DNM3: variants seen among roughly 807,000 people sequenced by gnomAD.
DNM3 encodes dynamin 3.
Under a neutral mutation model 101.6 loss-of-function variants are expected in DNM3, and 47 were observed. That is an observed-to-expected ratio of 0.46 (90% confidence interval 0.37 to 0.59). The LOEUF (loss-of-function observed/expected upper bound fraction) is 0.59. DNM3 is among the 20% of genes least tolerant of loss of function. DNM3 has a pLI of 0.00. For missense variants in DNM3, 849 were observed against 1,085.7 expected (o/e 0.78, Z 3.06); for synonymous variants, 385 against 387.9 (o/e 0.99, Z 0.09).
intron 14 of DNM3, among the ~76,000 whole-genome samples, chr1:172,191,418 G>C (rs1338722021): frequency 1.3e-5 from 2 of 152,104 alleles, no homozygotes; most frequent in Non-Finnish European, 2.9e-5. Context: ...GGTTACTGTA[G>C]CCTTGTAGTA....
chr1:172,146,542 A>C (rs1451257574), intron 14 of DNM3, among the ~76,000 whole-genome samples: 1 of 152,140 alleles, frequency 6.6e-6, no homozygotes, highest in Non-Finnish European at 1.5e-5. Context: ...ACAAGCCCAT[A>C]AGACTCACCT....
At position 172,081,841 on chromosome 1, in the gene DNM3, T is replaced by G. The variant is rs772300947; in HGVS notation, c.1432T>G (p.Leu478Val). 3.7e-6 allele frequency: 6 copies of G among 1,612,578 alleles called. No homozygotes were observed. In the South Asian group the frequency reaches 6.6e-5, roughly 18 times the overall value. ...EGKTKDQVLL[L>V]IDIQVSYINT... is the part of the protein sequence containing the mutation. Reference sequence around the variant, plus strand: ...TCTCTTTGACTTATAGGTATTGCTATTGATTGACATTCAAGTCTCTTACAT... The same window carrying G: ...TCTCTTTGACTTATAGGTATTGCTAGTGATTGACATTCAAGTCTCTTACAT... Residue 478 changes from leucine (L) to valine (V), a missense_variant, in exon 12 of 21, where the codon TTG becomes GTG. Around this residue, in one of 5 missense-constraint regions of DNM3, gnomAD observed 193 missense variants for 238.4 expected, o/e 0.81. Transcript: ENST00000627582.
At chr1:172,153,669 G>C (rs495590) in intron 14 of DNM3, among the ~76,000 whole-genome samples, 100,952 of 151,844 alleles carry the variant, frequency 0.66, 35,269 homozygotes, top group African/African-American at 0.89. Flanking sequence ...TGGAATTGAG[G>C]TTATTGGTAA....
chr1:172,040,830 T>C (rs1433979153), intron 7 of DNM3, among the ~76,000 whole-genome samples: 1 of 151,454 alleles, frequency 6.6e-6, no homozygotes, highest in Non-Finnish European at 1.5e-5. Flanking sequence ...ACAGAGAGAA[T>C]GGTGTTCTGA....
At chr1:172,346,387 C>G (rs193271741) in intron 17 of DNM3, among the ~76,000 whole-genome samples, 1 of 152,252 alleles carries the variant, frequency 6.6e-6, no homozygotes, top group East Asian at 1.9e-4. Flanking sequence ...GGGAGGTAGA[C>G]AGAGAGCAAA....
At chr1:172,396,108 A>G (rs2069971381) in intron 20 of DNM3, among the ~76,000 whole-genome samples, 1 of 152,216 alleles carries the variant, frequency 6.6e-6, no homozygotes, top group African/African-American at 2.4e-5. Flanking sequence ...CAAAACCACA[A>G]ATAGCAAACA....
intron 17 of DNM3, among the ~76,000 whole-genome samples, chr1:172,353,117 G>A (rs1382160544): frequency 6.6e-6 from 1 of 152,118 alleles, no homozygotes; most frequent in Non-Finnish European, 1.5e-5. Flanking sequence ...GGCCACAGGT[G>A]CACCATCCTC....
chr1:172,292,365 C>T (rs1422676862), intron 15 of DNM3, among the ~76,000 whole-genome samples: 1 of 152,180 alleles, frequency 6.6e-6, no homozygotes, highest in Non-Finnish European at 1.5e-5. Flanking sequence ...CTGAATTTTA[C>T]TCATCTTACA....
chr1:172,147,631 A>G (rs2057963087), intron 14 of DNM3, among the ~76,000 whole-genome samples: 1 of 152,120 alleles, frequency 6.6e-6, no homozygotes, highest in African/African-American at 2.4e-5. Flanking sequence ...GTGTACCTCT[A>G]AAGGGGCAGG....
chr1:172,012,448 G>A (rs1240311927), intron 4 of DNM3, among the ~76,000 whole-genome samples: 1 of 151,996 alleles, frequency 6.6e-6, no homozygotes, highest in Non-Finnish European at 1.5e-5. Context: ...ACTTAGCTGT[G>A]TGCCAAAGAT....
intron 13 of DNM3, among the ~76,000 whole-genome samples, chr1:172,095,163 G>A (rs1331635041): frequency 3.3e-5 from 5 of 152,184 alleles, no homozygotes; most frequent in African/African-American, 1.2e-4. Context: ...GACATGCCTT[G>A]AAGGTCAGAA....
intron 18 of DNM3, among the ~76,000 whole-genome samples, chr1:172,384,950 C>T (rs968371607): frequency 1.6e-4 from 24 of 152,150 alleles, no homozygotes; most frequent in Admixed American, 4.6e-4. Flanking sequence ...GAAGTGAATG[C>T]GTCTGTAAGG....
chr1:172,176,966 G>A (rs1017229673), intron 14 of DNM3, among the ~76,000 whole-genome samples: 2 of 151,802 alleles, frequency 1.3e-5, no homozygotes, highest in African/African-American at 4.8e-5. Context: ...CTGCTCTAGG[G>A]CTATGAATAT....
intron 14 of DNM3, among the ~76,000 whole-genome samples, chr1:172,218,288 T>G (rs1250491425): frequency 1.3e-5 from 2 of 152,038 alleles, no homozygotes; most frequent in African/African-American, 4.8e-5. Flanking sequence ...AATAGTGAGA[T>G]TAATAGAAAC....
intron 10 of DNM3, among the ~76,000 whole-genome samples, chr1:172,049,505 G>A (rs190502486): frequency 6.3e-4 from 96 of 152,210 alleles, no homozygotes; most frequent in Admixed American, 1.1e-3. Flanking sequence ...GTAGAGTGCT[G>A]GGGCAAGACT....
intron 13 of DNM3, among the ~76,000 whole-genome samples, chr1:172,121,575 A>G (rs1232157103): frequency 6.6e-6 from 1 of 152,222 alleles, no homozygotes. Context: ...TGATGAAGGC[A>G]CTGTAGACAT....
At chr1:172,107,528 A>G (rs1331729283) in intron 13 of DNM3, among the ~76,000 whole-genome samples, 1 of 152,192 alleles carries the variant, frequency 6.6e-6, no homozygotes, top group Non-Finnish European at 1.5e-5. Context: ...GGATCTTTCA[A>G]TTTAGCCATT....
intron 2 of DNM3, among the ~76,000 whole-genome samples, chr1:171,973,922 C>T (rs2044194771): frequency 6.6e-6 from 1 of 152,084 alleles, no homozygotes; most frequent in African/African-American, 2.4e-5. Context: ...GCCTTGGCCT[C>T]CTAACGTGCT....
chr1:172,332,503 T>A (rs1215494521), intron 17 of DNM3, among the ~76,000 whole-genome samples: 1 of 152,026 alleles, frequency 6.6e-6, no homozygotes, highest in Non-Finnish European at 1.5e-5. Context: ...ACAGATGGGG[T>A]TTCACTCTGT....
Sources: allele counts gnomAD v4.1 joint callset (sites outside exome capture counted in the v4.1 genomes callset), GRCh38; gene constraint gnomAD v4.1.1; regional missense constraint gnomAD v4.1.1; transcripts MANE v1.5; gene names NCBI Gene and HGNC (gene_info 2026-07-23, HGNC 2026-07-21).